Variants in ZNF658 observed in about 807,000 individuals in gnomAD.
The protein encoded by ZNF658 is zinc finger protein 658.
A neutral mutation model predicts 78.0 loss-of-function variants in ZNF658; 46 were observed. That is an observed-to-expected ratio of 0.59 (90% CI 0.47 to 0.75). The LOEUF is 0.75. ZNF658 is among the 30% of genes least tolerant of loss of function. ZNF658 has a pLI of 0.00. For missense variants in ZNF658, 785 were observed against 1,189.3 expected (o/e 0.66, Z 5.00); for synonymous variants, 279 against 408.4 (o/e 0.68, Z 3.82).
chr9:66,917,936 A>T lies in ZNF658; in HGVS notation c.370A>T (p.Asn124Tyr). Residue 124 changes from asparagine to tyrosine, a missense_variant, in exon 5 of 5, where the codon AAT becomes TAT. Coordinates refer to ENST00000621410, the MANE Select transcript of ZNF658 (RefSeq NM_033160.7). ...ACAGAAAGTTTTAGAAAAACCATTT[A>T]ATCTGGAAATAGCTCCAGAGCTTTC... ...EGQKVLEKPF[N>Y]LEIAPELSEK... 1 of 1,611,114 alleles carries T rather than the reference A, an allele frequency of 6.2e-7. No individual in the cohort carries two copies. The highest frequency in any genetic ancestry group is 2.2e-5 in the East Asian group (1 of 44,782).
At chr9:66,923,331 C>G (rs1408514717), downstream of ZNF658, among the ~76,000 whole-genome samples, 7 of 149,704 alleles carry the variant, frequency 4.7e-5, no homozygotes, top group Non-Finnish European at 1.0e-4. Context: ...GCTGTGCTGG[C>G]AGCTGATTAG....
chr9:66,927,105 A>C (rs1326480437), intron 6 of ZNF658, among the ~76,000 whole-genome samples: 2 of 152,164 alleles, frequency 1.3e-5, no homozygotes, highest in East Asian at 3.8e-4. Context: ...AGCTTCTATA[A>C]GAAAACACTG....
Position 66,920,376 on chromosome 9 carries a change from C to A in ZNF658, c.2810C>A (p.Pro937His), listed in dbSNP as rs1287066112. The A allele has an allele frequency of 1.9e-6, 3 of 1,613,010 alleles. No individual in the cohort carries two copies. Among genetic ancestry groups the A allele is most frequent in the Non-Finnish European group, 2.5e-6 (3 of 1,179,874 alleles). Residue 937 changes from proline to histidine, a missense_variant, in exon 5 of 5, where the codon CCC (proline) becomes CAC (histidine). This residue lies in a region of ZNF658 where 85 missense variants were observed against 108.6 expected (regional missense o/e 0.78). Transcript: ENST00000621410. ...AHQRVHTGEK[P>H]YECNVCGKPF... ...CAGAGAGTTCATACGGGGGAGAAAC[C>A]CTACGAATGTAATGTATGTGGGAAG...
chr9:66,905,171 G>T (rs1250586901), intron 2 of ZNF658, among the ~76,000 whole-genome samples: 2 of 138,586 alleles, frequency 1.4e-5, no homozygotes, highest in Admixed American at 8.4e-5. Flanking sequence ...CACCTTCCGG[G>T]TTCAAGCAAT....
At chr9:66,912,111 C>A (rs775240233) in intron 4 of ZNF658, among the ~76,000 whole-genome samples, 1 of 40,804 alleles carries the variant, frequency 2.5e-5, no homozygotes, top group East Asian at 4.4e-4. Context: ...CCAGCCTGGG[C>A]GACAGAGCAA....
intron 4 of ZNF658, among the ~76,000 whole-genome samples, chr9:66,917,461 C>T (rs1357413069): frequency 2.0e-5 from 1 of 49,260 alleles, no homozygotes; most frequent in African/African-American, 1.3e-4. Context: ...CCTGCAATCC[C>T]AGCACTTTGG....
At chr9:66,901,938 T>C (rs1213765246) in intron 1 of ZNF658, among the ~76,000 whole-genome samples, 2 of 151,994 alleles carry the variant, frequency 1.3e-5, no homozygotes, top group African/African-American at 4.8e-5. Context: ...TGAGACTCTG[T>C]CTCAAAAAAG....
Position 66,908,375 on chromosome 9 carries a change from C to G in ZNF658, c.142+11C>G. ...ACCTCATCTCAGTGGGTGAGCATAG[C>G]TTACCATGGGGCTCTCTCGAGAATA... On this transcript the variant is annotated intron_variant, in intron 3 of 4. Transcript: ENST00000621410. The G allele has an allele frequency of 6.2e-7, 1 of 1,614,060 alleles. No individual in the cohort carries two copies. The highest frequency in any genetic ancestry group is 1.3e-5 in the African/African-American group (1 of 75,034).
downstream of ZNF658, among the ~76,000 whole-genome samples, chr9:66,921,777 C>T (rs1822531645): frequency 6.6e-6 from 1 of 150,858 alleles, no homozygotes; most frequent in Non-Finnish European, 1.5e-5. Context: ...AGGTGTCTCC[C>T]AGTTAGGCTA....
At chr9:66,904,456 C>A (rs1321079222) in intron 2 of ZNF658, among the ~76,000 whole-genome samples, 1 of 151,698 alleles carries the variant, frequency 6.6e-6, no homozygotes, top group Non-Finnish European at 1.5e-5. Flanking sequence ...AGTTTCTGTC[C>A]TTGGCTCTTT....
chr9:66,920,108 C>G lies in ZNF658; in HGVS notation c.2542C>G (p.His848Asp). 1 of 1,612,578 alleles carries G rather than the reference C, an allele frequency of 6.2e-7. No individual in the cohort carries two copies. The highest frequency in any genetic ancestry group is 8.5e-7 in the Non-Finnish European group (1 of 1,179,812). ...ACACCTCTGTGCACATCAGAGAATT[C>G]ATACTGGGGAAAAACCCTATGAGTG... ...RTHLCAHQRI[H>D]TGEKPYECNE... The change falls in exon 5 of 5, where the codon CAT becomes GAT. Residue 848 changes from histidine to aspartate, a missense_variant. Physicochemically the swap from His to Asp is moderately conservative, Grantham distance 81. This residue lies in a region of ZNF658 where 58 missense variants were observed against 63.0 expected (regional missense o/e 0.92). Transcript: ENST00000621410.
In ZNF658 at chr9:66,920,368, G is replaced by A; in HGVS notation, c.2802G>A (p.Gly934=). Residue 934 remains glycine, a synonymous_variant, in exon 5 of 5, where the codon GGG becomes GGA. Coordinates refer to ENST00000621410, the MANE Select transcript of ZNF658 (RefSeq NM_033160.7). ...YVSAHQRVHT[G]EKPYECNVCG... Reference sequence around the variant, plus strand: ...GTGCACATCAGAGAGTTCATACGGGGGAGAAACCCTACGAATGTAATGTAT... The same window carrying A: ...GTGCACATCAGAGAGTTCATACGGGAGAGAAACCCTACGAATGTAATGTAT... 1.2e-6 allele frequency: 2 copies of A among 1,613,164 alleles called. No individual in the cohort carries two copies. Among genetic ancestry groups the A allele is most frequent in the Non-Finnish European group, 1.7e-6 (2 of 1,179,896 alleles).
chr9:66,908,829 T>C, intron 4 of ZNF658, 95 bp downstream of exon 4: 1 of 717,328 alleles, frequency 1.4e-6, no homozygotes, highest in Non-Finnish European at 2.4e-6. Flanking sequence ...TTTATTGAGA[T>C]ATAATTCACA....
At position 66,921,081 on chromosome 9, in the gene ZNF658, A is replaced by G. The variant is rs1822516712; in HGVS notation, c.*335A>G. On this transcript the variant is annotated 3_prime_UTR_variant, in exon 5 of 5. Transcript: ENST00000621410. The stretch of plus-strand genomic sequence containing the variant: ...GGAAGCTAGAGTCTGAAAAACGAAC[A>G]ATTCACTTCCAGGTCTTCATCAGGG... 1 of 273,924 alleles carries G rather than the reference A, an allele frequency of 3.7e-6. No individual in the cohort carries two copies. The highest frequency in any genetic ancestry group is 5.8e-5 in the South Asian group (1 of 17,334). The allele number at this position is 273,924 out of a possible 1,614,324, so 17.0% of individuals were successfully genotyped here.
intron 1 of ZNF658, 158 bp from the exon 2 acceptor site, chr9:66,903,360 G>T: frequency 9.2e-6 from 5 of 542,534 alleles, no homozygotes; most frequent in Admixed American, 3.2e-5. Flanking sequence ...TTTTTTTTTA[G>T]GCACATGAAT....
At chr9:66,903,399 G>C (rs1325582683) in intron 1 of ZNF658, 119 bp from the exon 2 acceptor site, 8 of 684,264 alleles carry the variant, frequency 1.2e-5, no homozygotes, top group Admixed American at 2.3e-5. Flanking sequence ...ATTACAGTGG[G>C]GTTATGTCGC....
Position 66,917,894 on chromosome 9 carries a change from A to C in ZNF658, c.328A>C (p.Thr110Pro). 6.2e-7 allele frequency: 1 copy of C among 1,608,156 alleles called. No individual in the cohort carries two copies. Among genetic ancestry groups the C allele is most frequent in the Non-Finnish European group, 8.5e-7 (1 of 1,178,982 alleles). The change falls in exon 5 of 5, where the codon ACA (threonine) becomes CCA (proline). Residue 110 changes from threonine (T) to proline (P), a missense_variant. Physicochemically the swap from Thr to Pro is conservative, Grantham distance 38. Coordinates refer to ENST00000621410, the MANE Select transcript of ZNF658 (RefSeq NM_033160.7). ...QEIFISDADK[T>P]LSKEGQKVLE... Reference sequence around the variant, plus strand: ...AATATTCATCAGTGATGCTGACAAAACATTGAGTAAAGAAGGACAGAAAGT... The same window carrying C: ...AATATTCATCAGTGATGCTGACAAACCATTGAGTAAAGAAGGACAGAAAGT...
chr9:66,925,774 A>G (rs1822580515), downstream of ZNF658, among the ~76,000 whole-genome samples: 1 of 152,010 alleles, frequency 6.6e-6, no homozygotes, highest in African/African-American at 2.4e-5. Context: ...AAAGACAGAC[A>G]AAAGACACTA....
intron 6 of ZNF658, among the ~76,000 whole-genome samples, chr9:66,927,350 G>A (rs961907405): frequency 4.6e-5 from 7 of 151,548 alleles, no homozygotes; most frequent in African/African-American, 1.7e-4. Context: ...TTAAAAAAAA[G>A]ACAAGTGTTG....
Sources: allele counts gnomAD v4.1 joint callset (sites outside exome capture counted in the v4.1 genomes callset), GRCh38; gene constraint gnomAD v4.1.1; regional missense constraint gnomAD v4.1.1; transcripts MANE v1.5; gene names NCBI Gene and HGNC (gene_info 2026-07-23, HGNC 2026-07-21).